ADSS2: variants seen among roughly 807,000 people sequenced by gnomAD.
ADSS2 encodes the protein adenylosuccinate synthetase isozyme 2.
Under a neutral mutation model 60.0 loss-of-function variants are expected in ADSS2, and 30 were observed. The observed-to-expected ratio is 0.50, with a 90% CI of 0.37 to 0.68. The LOEUF (loss-of-function observed/expected upper bound fraction) is 0.68, where lower values mean the gene tolerates loss of function less well. Ranked by LOEUF, ADSS2 falls within the 30% of genes least tolerant of loss-of-function variation. ADSS2 has a pLI of 0.00. For missense variants in ADSS2, 373 were observed against 554.8 expected, an observed-to-expected ratio of 0.67 and a Z score of 3.29; for synonymous variants, 187 against 193.1, an observed-to-expected ratio of 0.97 and a Z score of 0.26.
At chr1:244,450,817 T>C (rs1665549000) in intron 1 of ADSS2, among the ~76,000 whole-genome samples, 1 of 152,216 alleles carries the variant, frequency 6.6e-6, no homozygotes, top group African/African-American at 2.4e-5. Flanking sequence ...ACCACCTCGT[T>C]TTCCGAAAGT....
intron 11 of ADSS2, among the ~76,000 whole-genome samples, chr1:244,413,340 C>T (rs926741103): frequency 9.9e-5 from 15 of 152,172 alleles, no homozygotes; most frequent in Non-Finnish European, 1.5e-5. Flanking sequence ...ATCAGTGGGG[C>T]TTCCATTTCT....
At chr1:244,436,956 G>T in intron 2 of ADSS2, 63 bp from the exon 3 acceptor site, 1 of 1,397,956 alleles carries the variant, frequency 7.2e-7, no homozygotes, top group South Asian at 1.2e-5. Context: ...GTAACTTAAA[G>T]GACATTCTGA....
At chr1:244,424,452 T>C (rs1316607458) in intron 4 of ADSS2, 65 bp from the exon 5 acceptor site, 1 of 1,312,512 alleles carries the variant, frequency 7.6e-7, no homozygotes. Flanking sequence ...ATCCACCGCA[T>C]TTCAAATTAC....
intron 1 of ADSS2, among the ~76,000 whole-genome samples, chr1:244,448,394 G>A (rs1404812510): frequency 6.6e-6 from 1 of 152,100 alleles, no homozygotes; most frequent in Non-Finnish European, 1.5e-5. Context: ...TTTATAGCAA[G>A]CTTTTATAAA....
At chr1:244,420,461 A>G (rs1664649287) in intron 7 of ADSS2, among the ~76,000 whole-genome samples, 165 bp from the exon 8 acceptor site, 1 of 150,464 alleles carries the variant, frequency 6.6e-6, no homozygotes, top group Admixed American at 6.7e-5. Flanking sequence ...ATTAGCTTTC[A>G]TGTCTCATGC....
Position 244,432,599 on chromosome 1 carries a change from G to C in ADSS2, c.356-4C>G, listed in dbSNP as rs376743958. 17 of 1,510,946 alleles carry C rather than the reference G, an allele frequency of 1.1e-5. No individual in the cohort carries two copies. The African/African-American group carries it at 2.5e-4, about 22-fold the overall frequency. The allele number at this position is 1,510,946 out of a possible 1,614,324, so 93.6% of individuals were successfully genotyped here. On this transcript the variant is annotated splice_polypyrimidine_tract_variant and splice_region_variant and intron_variant, in intron 3 of 12. Coordinates refer to ENST00000366535, the MANE Select transcript of ADSS2 (RefSeq NM_001126.5). ...CTTTTTTCCCAGCCTTCTAGTCCTA[G>C]AAAGGGGAAAAAGATATATTTAATT...
chr1:244,436,953 A>G, intron 2 of ADSS2, 60 bp from the exon 3 acceptor site: 1 of 1,422,224 alleles, frequency 7.0e-7, no homozygotes, highest in Non-Finnish European at 9.8e-7. Context: ...TATGTAACTT[A>G]AAGGACATTC....
intron 1 of ADSS2, among the ~76,000 whole-genome samples, chr1:244,449,942 A>G (rs942943342): frequency 6.6e-6 from 1 of 152,184 alleles, no homozygotes; most frequent in African/African-American, 2.4e-5. Context: ...ACTACTTCTA[A>G]TATTTCTCCA....
At chr1:244,411,480 C>G (rs1664417116) in intron 11 of ADSS2, 44 bp from the exon 12 acceptor site, 1 of 1,560,154 alleles carries the variant, frequency 6.4e-7, no homozygotes, top group South Asian at 1.2e-5. Context: ...ACACTGTTTA[C>G]TGTCAAACAA....
At chr1:244,444,232 C>T (rs995491062) in intron 1 of ADSS2, among the ~76,000 whole-genome samples, 5 of 152,090 alleles carry the variant, frequency 3.3e-5, no homozygotes, top group African/African-American at 1.2e-4. Flanking sequence ...AGATGAAATA[C>T]AGGCCGGGCG....
rs756652423 is a variant in ADSS2 at position 244,417,765 on chromosome 1, A to G, written c.946-13T>C. On this transcript the variant is annotated splice_polypyrimidine_tract_variant and intron_variant, in intron 9 of 12. Coordinates refer to ENST00000366535, the MANE Select transcript of ADSS2 (RefSeq NM_001126.5). ...ATTCTCCAATTTCCTACAGAACAGAAAATTGAACTTTAGGATTAGAATAGC... is the reference window on the plus strand; with the variant it reads ...ATTCTCCAATTTCCTACAGAACAGAGAATTGAACTTTAGGATTAGAATAGC... 6.2e-7 allele frequency: 1 copy of G among 1,612,040 alleles called. No homozygotes were observed. The highest frequency in any genetic ancestry group is 8.5e-7 in the Non-Finnish European group (1 of 1,178,378).
intron 11 of ADSS2, 135 bp downstream of exon 11, chr1:244,415,846 A>T: frequency 1.6e-6 from 1 of 627,992 alleles, no homozygotes; most frequent in East Asian, 2.8e-5. Context: ...ATAATAAGTG[A>T]GCAAATTTGC....
intron 4 of ADSS2, 139 bp from the exon 5 acceptor site, chr1:244,424,526 T>C (rs928945115): frequency 1.6e-6 from 1 of 640,738 alleles, no homozygotes; most frequent in Non-Finnish European, 2.7e-6. Context: ...TTAGAAGTGA[T>C]GATAGAAGTT....
rs1387263143 is a variant in ADSS2, at chr1:244,411,390, G to A, written c.1215C>T (p.Leu405=). 1.1e-5 allele frequency: 17 copies of A among 1,613,512 alleles called. No homozygotes were observed. The highest frequency in any genetic ancestry group is 1.4e-5 in the Non-Finnish European group (16 of 1,179,800). The change falls in exon 12 of 13, where the codon CTC becomes CTT. Residue 405 remains leucine, a synonymous_variant. Coordinates refer to ENST00000366535, the MANE Select transcript of ADSS2 (RefSeq NM_001126.5). ...LNKVEVQYKT[L]PGWNTDISNA... Reference sequence around the variant, plus strand: ...TTGATATGTCTGTGTTCCATCCTGGGAGAGTCTTATATTGAACTTCAACTT... The same window carrying A: ...TTGATATGTCTGTGTTCCATCCTGGAAGAGTCTTATATTGAACTTCAACTT...
At chr1:244,416,782 C>T (rs762717753) in intron 10 of ADSS2, among the ~76,000 whole-genome samples, 1 of 152,182 alleles carries the variant, frequency 6.6e-6, no homozygotes, top group Non-Finnish European at 1.5e-5. Context: ...CTCAATTCTT[C>T]ACTCTGGTTA....
At chr1:244,439,468 G>C (rs115475362) in intron 1 of ADSS2, among the ~76,000 whole-genome samples, 1 of 152,156 alleles carries the variant, frequency 6.6e-6, no homozygotes, top group African/African-American at 2.4e-5. Context: ...TAGGGCCTGT[G>C]ACGGGGAACT....
intron 7 of ADSS2, among the ~76,000 whole-genome samples, chr1:244,421,781 C>A (rs184157369): frequency 6.6e-6 from 1 of 152,014 alleles, no homozygotes; most frequent in African/African-American, 2.4e-5. Context: ...GCGTTCAAGA[C>A]CAGCCTGGGC....
At chr1:244,414,531 G>A (rs188857184) in intron 11 of ADSS2, among the ~76,000 whole-genome samples, 1 of 152,280 alleles carries the variant, frequency 6.6e-6, no homozygotes, top group Admixed American at 6.5e-5. Context: ...ATGATAGGGG[G>A]AGCCTTAGCT....
intron 7 of ADSS2, 83 bp from the exon 8 acceptor site, chr1:244,420,379 T>C: frequency 7.7e-7 from 1 of 1,297,516 alleles, no homozygotes; most frequent in Non-Finnish European, 1.0e-6. Context: ...TACCTGACTT[T>C]ATGACATGAA....
Sources: allele counts gnomAD v4.1 joint callset (sites outside exome capture counted in the v4.1 genomes callset), GRCh38; gene constraint gnomAD v4.1.1; transcripts MANE v1.5; gene names NCBI Gene and HGNC (gene_info 2026-07-23, HGNC 2026-07-21).